The following STK31 variants were observed in gnomAD, a reference collection of about 807,000 sequenced individuals.
STK31 encodes the protein serine/threonine-protein kinase 31.
In STK31, 89 loss-of-function variants were observed where a neutral mutation model predicts 129.7. That is an observed-to-expected ratio of 0.69 (90% CI 0.58 to 0.82). The LOEUF is 0.82. Ranked by LOEUF, STK31 falls within the 40% of genes least tolerant of loss-of-function variation. The pLI is 0.00. For missense variants in STK31, 1,187 were observed against 1,176.4 expected (o/e 1.01, Z -0.13); for synonymous variants, 448 against 395.3 (o/e 1.13, Z -1.58).
intron 21 of STK31, among the ~76,000 whole-genome samples, chr7:23,790,283 T>G (rs1010901293): frequency 6.6e-6 from 1 of 152,126 alleles, no homozygotes; most frequent in Non-Finnish European, 1.5e-5. Flanking sequence ...AAAATAAATT[T>G]TAAAAATGGA....
rs973864781 is a variant in STK31 at position 23,810,659 on chromosome 7, A to T, written c.2761-4485A>T. On this transcript the variant is annotated intron_variant, in intron 22 of 23. Coordinates refer to ENST00000355870, the MANE Select transcript of STK31 (RefSeq NM_031414.5). Reference sequence around the variant, plus strand: ...ATAAAATATATAAATTATATATATAAAAATATATAATATATATAAAATAGA... The same window carrying T: ...ATAAAATATATAAATTATATATATATAAATATATAATATATATAAAATAGA... Among the ~76,000 whole-genome samples the T allele has an allele frequency of 1.1e-4, 15 of 135,072 alleles. No individual in the cohort carries two copies. The East Asian group carries it at 1.4e-3, about 13-fold the overall frequency. 88.6% of individuals were successfully genotyped at this position (135,072 alleles called of 152,430 possible).
chr7:23,832,343 G>T lies in STK31; in HGVS notation c.3037G>T (p.Gly1013Cys), dbSNP rs1458844153. ...LDKCMEKTRN[G>C]EANFDC ...TAAATGTATGGAGAAGACAAGAAAT[G>T]GTGAAGCCAACTTTGATTGTTAAAT... Residue 1013 changes from glycine to cysteine, a missense_variant, in exon 24 of 24, where the codon GGT becomes TGT. Transcript: ENST00000355870. 6.2e-7 allele frequency: 1 copy of T among 1,609,924 alleles called. No individual in the cohort carries two copies. The highest frequency in any genetic ancestry group is 8.5e-7 in the Non-Finnish European group (1 of 1,179,166).
intron 4 of STK31, among the ~76,000 whole-genome samples, chr7:23,718,461 A>G (rs925044432): frequency 5.9e-5 from 9 of 152,086 alleles, no homozygotes; most frequent in Non-Finnish European, 1.0e-4. Flanking sequence ...ATATGGTTCT[A>G]TCATTTCAGA....
At chr7:23,827,416 T>C (rs1232214923) in intron 23 of STK31, among the ~76,000 whole-genome samples, 1 of 152,200 alleles carries the variant, frequency 6.6e-6, no homozygotes, top group Non-Finnish European at 1.5e-5. Flanking sequence ...GCATTCGTCA[T>C]GTATTTCTCG....
chr7:23,724,465 A>G (rs1786930727), intron 4 of STK31, among the ~76,000 whole-genome samples: 1 of 152,248 alleles, frequency 6.6e-6, no homozygotes, highest in Non-Finnish European at 1.5e-5. Flanking sequence ...GTAGCGAGTT[A>G]GAGTAAAAAC....
At chr7:23,765,980 G>A (rs193155224) in intron 11 of STK31, among the ~76,000 whole-genome samples, 1 of 152,142 alleles carries the variant, frequency 6.6e-6, no homozygotes, top group Non-Finnish European at 1.5e-5. Flanking sequence ...TATAGATATT[G>A]TGTGTGATAG....
intron 18 of STK31, 46 bp downstream of exon 18, chr7:23,785,649 G>C (rs1019071641): frequency 1.3e-6 from 2 of 1,573,264 alleles, no homozygotes; most frequent in Non-Finnish European, 1.7e-6. Flanking sequence ...GCAGCATAAA[G>C]GATAGTGGTG....
At chr7:23,761,571 C>T (rs1435347561) in intron 10 of STK31, among the ~76,000 whole-genome samples, 1 of 151,946 alleles carries the variant, frequency 6.6e-6, no homozygotes, top group African/African-American at 2.4e-5. Context: ...CAGGCGCCTG[C>T]CACTCTGCCC....
At chr7:23,726,772 C>T (rs537065635) in intron 4 of STK31, among the ~76,000 whole-genome samples, 8 of 152,038 alleles carry the variant, frequency 5.3e-5, no homozygotes, top group Non-Finnish European at 7.4e-5. Flanking sequence ...TGTCCTTATA[C>T]GTAAAGTAAA....
At chr7:23,730,646 A>C (rs998262039) in intron 6 of STK31, among the ~76,000 whole-genome samples, 1 of 151,884 alleles carries the variant, frequency 6.6e-6, no homozygotes, top group South Asian at 2.1e-4. Flanking sequence ...CAAGTCGTGA[A>C]GCTAACTAGG....
chr7:23,824,632 A>G (rs1216506741), intron 23 of STK31, among the ~76,000 whole-genome samples: 2 of 152,106 alleles, frequency 1.3e-5, no homozygotes, highest in African/African-American at 4.8e-5. Context: ...TTCCAACACT[A>G]TGTTGAATAG....
At chr7:23,753,621 G>A (rs868599414) in intron 9 of STK31, among the ~76,000 whole-genome samples, 85 of 152,318 alleles carry the variant, frequency 5.6e-4, no homozygotes, top group African/African-American at 2.0e-3. Context: ...CACTACGTTT[G>A]TTATTGTTTG....
intron 1 of STK31, chr7:23,710,827 T>C: frequency 3.0e-6 from 3 of 987,192 alleles, no homozygotes; most frequent in Non-Finnish European, 3.6e-6. Flanking sequence ...TCTTGGAGTG[T>C]GTGGAGAGAT....
chr7:23,805,411 G>A (rs576423589), intron 22 of STK31, among the ~76,000 whole-genome samples: 8 of 152,178 alleles, frequency 5.3e-5, no homozygotes, highest in African/African-American at 1.4e-4. Flanking sequence ...ATTTCTATGC[G>A]TCAATAACTT....
At chr7:23,810,188 G>T (rs1055276386) in intron 22 of STK31, among the ~76,000 whole-genome samples, 3 of 151,950 alleles carry the variant, frequency 2.0e-5, no homozygotes, top group African/African-American at 7.3e-5. Context: ...TTGCTCTAAT[G>T]TCTACTTTGT....
chr7:23,736,854 G>A, intron 7 of STK31, 50 bp from the exon 8 acceptor site: 1 of 1,407,896 alleles, frequency 7.1e-7, no homozygotes, highest in Non-Finnish European at 9.4e-7. Context: ...TGTTTTCTGT[G>A]TCAGCCTTAT....
At chr7:23,826,067 A>T (rs1017997378) in intron 23 of STK31, among the ~76,000 whole-genome samples, 3 of 152,106 alleles carry the variant, frequency 2.0e-5, no homozygotes, top group Non-Finnish European at 4.4e-5. Flanking sequence ...AAAAGAATGT[A>T]TATTCTGTTG....
At chr7:23,762,248 C>T (rs1028699904) in intron 10 of STK31, among the ~76,000 whole-genome samples, 2 of 146,832 alleles carry the variant, frequency 1.4e-5, no homozygotes, top group African/African-American at 5.0e-5. Context: ...CCCTCCACCC[C>T]GAGATAAAAA....
At chr7:23,768,924 G>C (rs999528650) in intron 11 of STK31, 71 bp from the exon 12 acceptor site, 1 of 1,282,980 alleles carries the variant, frequency 7.8e-7, no homozygotes, top group Non-Finnish European at 1.0e-6. Context: ...CTACCCCTTA[G>C]ATCCTAACAC....
Sources: gnomAD v4.1 joint callset for allele counts (sites outside exome capture counted in the v4.1 genomes callset) on GRCh38, gnomAD v4.1.1 for gene constraint, MANE v1.5 for transcripts, NCBI Gene and HGNC (gene_info 2026-07-23, HGNC 2026-07-21) for gene names.